Variants in COL24A1 observed in about 807,000 individuals in gnomAD.
The protein encoded by COL24A1 is collagen type XXIV alpha 1 chain, also known as collagen alpha-1(XXIV) chain.
In COL24A1, 224 loss-of-function variants were observed where a neutral mutation model predicts 253.9. The ratio of observed to expected loss-of-function variants is 0.88; its 90% CI spans 0.79 to 0.99. COL24A1 has a LOEUF of 0.99. Ranked by LOEUF, COL24A1 falls within the 50% of genes least tolerant of loss-of-function variation. The probability of loss-of-function intolerance (pLI) is 0.00; values close to 1 mark genes in which losing one functional copy is unlikely to be tolerated. For synonymous variants in COL24A1, 685 were observed against 673.7 expected (o/e 1.02, Z -0.26); for missense variants, 2,131 against 2,068.5 (o/e 1.03, Z -0.59).
rs1648263863 is a variant in COL24A1 at position 86,126,137 on chromosome 1, C to G, written c.199G>C (p.Ala67Pro). Residue 67 changes from alanine (A) to proline (P), a missense_variant, in exon 3 of 60, where the codon GCA becomes CCA. Transcript: ENST00000370571. ...ACCCCCTGAGGTAACGGTGTAGATG[C>G]TGATGGTACAGCAGTCGCTGGTGAT... ...HSSPATAVPSASTPLPQGVHL... is the reference protein window; with the variant it reads ...HSSPATAVPSPSTPLPQGVHL... 6.2e-7 allele frequency: 1 copy of G among 1,609,950 alleles called. No homozygotes were observed. Among genetic ancestry groups the G allele is most frequent in the South Asian group, 1.1e-5 (1 of 90,996 alleles).
In COL24A1 at chr1:86,093,354, C is replaced by T. The variant is rs117640664; in HGVS notation, c.1600-1034G>A. Reference sequence around the variant, plus strand: ...TTTTAATGTTCTGTATATGGCTAGCCAGTCATCCCAGCACCATTTATTGAA... The same window carrying T: ...TTTTAATGTTCTGTATATGGCTAGCTAGTCATCCCAGCACCATTTATTGAA... On this transcript the variant is annotated intron_variant, in intron 5 of 59. Coordinates refer to ENST00000370571, the MANE Select transcript of COL24A1 (RefSeq NM_152890.7). Among the ~76,000 whole-genome samples the T allele has an allele frequency of 1.2e-3, 181 of 152,090 alleles. 5 individuals are homozygous for T. In the East Asian group the frequency reaches 0.027, roughly 22 times the overall value.
Position 86,031,917 on chromosome 1 carries a change from A to C in COL24A1, c.2010T>G (p.Leu670=). ...ACCCCGGAGGACCAGTGCCACCTAC[A>C]AGTCCCTATTGTAAAAGAAATTTGC... ...GPAGLDGSPG[L]VGGTGPPGFP... is the part of the protein sequence containing the mutation. Residue 670 remains leucine, a synonymous_variant, in exon 14 of 60, where the codon CTT becomes CTG. Transcript: ENST00000370571. The C allele has an allele frequency of 6.2e-7, 1 of 1,608,794 alleles. No individual in the cohort carries two copies. Among genetic ancestry groups the C allele is most frequent in the South Asian group, 1.1e-5 (1 of 90,056 alleles).
At chr1:85,737,208 A>T (rs1664148291) in intron 58 of COL24A1, among the ~76,000 whole-genome samples, 188 bp downstream of exon 58, 1 of 152,210 alleles carries the variant, frequency 6.6e-6, no homozygotes, top group Non-Finnish European at 1.5e-5. Context: ...GACACAATCA[A>T]AATGTCAAGA....
chr1:85,949,087 T>C (rs1689642204), intron 24 of COL24A1, among the ~76,000 whole-genome samples: 1 of 152,180 alleles, frequency 6.6e-6, no homozygotes. Context: ...AGCAATCTGG[T>C]CTCACAGTCC....
At chr1:86,055,157 A>C (rs568670138) in intron 10 of COL24A1, among the ~76,000 whole-genome samples, 1 of 152,204 alleles carries the variant, frequency 6.6e-6, no homozygotes, top group African/African-American at 2.4e-5. Context: ...GGAGGGCCAG[A>C]AAAAGGCAAG....
intron 53 of COL24A1, among the ~76,000 whole-genome samples, chr1:85,773,209 G>T (rs1040659285): frequency 8.5e-5 from 13 of 152,224 alleles, no homozygotes; most frequent in African/African-American, 2.4e-4. Context: ...TGAGGCCTCC[G>T]TTCTGTTCCA....
intron 47 of COL24A1, among the ~76,000 whole-genome samples, chr1:85,811,770 C>T (rs1170705818): frequency 1.3e-5 from 2 of 152,192 alleles, no homozygotes; most frequent in Non-Finnish European, 2.9e-5. Context: ...GGAGAAATGT[C>T]TATTCAAGTA....
At chr1:85,842,596 T>G (rs951469614) in intron 39 of COL24A1, among the ~76,000 whole-genome samples, 2 of 151,972 alleles carry the variant, frequency 1.3e-5, no homozygotes, top group African/African-American at 4.8e-5. Flanking sequence ...GCAACAAATG[T>G]CTTTTTGGTT....
intron 56 of COL24A1, 57 bp downstream of exon 56, chr1:85,745,384 C>T: frequency 3.9e-6 from 5 of 1,290,806 alleles, no homozygotes; most frequent in Non-Finnish European, 4.2e-6. Context: ...AAAATTTTCT[C>T]TGTTTAATTG....
intron 24 of COL24A1, among the ~76,000 whole-genome samples, chr1:85,957,195 T>G (rs1194534133): frequency 6.6e-6 from 1 of 151,882 alleles, no homozygotes; most frequent in Non-Finnish European, 1.5e-5. Context: ...TGTCAGGGGA[T>G]GGGGTGCAAG....
chr1:85,963,008 GT>G lies in COL24A1; in HGVS notation c.2518-1716del, dbSNP rs367882193. Among the ~76,000 whole-genome samples, 87 of 152,198 alleles carry G rather than the reference GT, an allele frequency of 5.7e-4. 1 individual carries two copies. In the South Asian group the frequency reaches 0.018, roughly 31 times the overall value. Reference sequence around the variant, plus strand: ...TTAATAATTTCAATATTGATTACATGTTGAAAGGATATAATATTTGGATATC... The same window carrying G: ...TTAATAATTTCAATATTGATTACATGTGAAAGGATATAATATTTGGATATC... On this transcript the variant is annotated intron_variant, in intron 23 of 59. Coordinates refer to ENST00000370571, the MANE Select transcript of COL24A1 (RefSeq NM_152890.7).
chr1:86,080,654 A>T (rs1702571737), intron 7 of COL24A1, among the ~76,000 whole-genome samples: 1 of 152,108 alleles, frequency 6.6e-6, no homozygotes, highest in Non-Finnish European at 1.5e-5. Flanking sequence ...TTTTATATAG[A>T]CTTCAATTTT....
At position 85,784,345 on chromosome 1, in the gene COL24A1, G is replaced by T; in HGVS notation, c.4081C>A (p.Gln1361Lys). The change falls in exon 49 of 60, where the codon CAA becomes AAA. Residue 1361 changes from glutamine (Q) to lysine (K), a missense_variant. By Grantham distance (53) the Gln-to-Lys change is moderately conservative (BLOSUM62 1). Transcript: ENST00000370571. ...CCTCTTTTACCTTGAATTCCAGGTT[G>T]ACCAGGTAGCCCTTGTTCACCCTAT... The part of the protein sequence containing the change: ...GPKGEQGLPG[Q>K]PGIQGKRGHR... The T allele has an allele frequency of 1.9e-6, 3 of 1,613,738 alleles. No individual in the cohort carries two copies. The highest frequency in any genetic ancestry group is 2.5e-6 in the Non-Finnish European group (3 of 1,179,800).
intron 2 of COL24A1, among the ~76,000 whole-genome samples, chr1:86,136,886 T>C (rs1202179376): frequency 6.6e-6 from 1 of 152,108 alleles, no homozygotes; most frequent in African/African-American, 2.4e-5. Flanking sequence ...TACCTGAGTA[T>C]GAATACACTT....
intron 47 of COL24A1, among the ~76,000 whole-genome samples, chr1:85,801,560 C>G (rs932809780): frequency 1.3e-5 from 2 of 152,212 alleles, no homozygotes; most frequent in African/African-American, 4.8e-5. Flanking sequence ...CTTCCCTTTA[C>G]CATTTCAGGT....
chr1:85,822,655 A>G (rs138487544), intron 45 of COL24A1, among the ~76,000 whole-genome samples: 62 of 152,314 alleles, frequency 4.1e-4, no homozygotes, highest in African/African-American at 1.4e-3. Flanking sequence ...CTCTTATCCT[A>G]TGACAATGAT....
intron 28 of COL24A1, among the ~76,000 whole-genome samples, chr1:85,896,931 A>C (rs913443898): frequency 2.0e-5 from 3 of 152,236 alleles, no homozygotes; most frequent in African/African-American, 7.2e-5. Context: ...AAATGAGCAC[A>C]AAAATAGCTA....
chr1:86,027,020 TGAGA>T (rs1235796117), intron 14 of COL24A1, among the ~76,000 whole-genome samples: 3 of 152,084 alleles, frequency 2.0e-5, no homozygotes, highest in Non-Finnish European at 4.4e-5. Context: ...ACTTTGAACT[TGAGA>T]GAGATGATTT....
At chr1:86,146,057 C>T (rs1651832396) in intron 2 of COL24A1, 62 bp downstream of exon 2, 2 of 1,333,482 alleles carry the variant, frequency 1.5e-6, no homozygotes, top group East Asian at 2.3e-5. Context: ...AAGTTATGTA[C>T]TTTTGCTGTC....
Sources: gnomAD v4.1 joint callset for allele counts (sites outside exome capture counted in the v4.1 genomes callset) on GRCh38, gnomAD v4.1.1 for gene constraint, MANE v1.5 for transcripts, NCBI Gene and HGNC (gene_info 2026-07-23, HGNC 2026-07-21) for gene names.